GPC5: variants seen among roughly 807,000 people sequenced by gnomAD.
GPC5 encodes the protein glypican-5.
GPC5 carries 47 observed loss-of-function variants against 53.9 expected under a neutral mutation model. The ratio of observed to expected loss-of-function variants is 0.87; its 90% CI spans 0.69 to 1.11. GPC5 has a LOEUF of 1.11. Among genes scored for constraint, GPC5 ranks in the 50% most tolerant of loss-of-function variants. GPC5 has a pLI of 0.00. For synonymous variants in GPC5, 286 were observed against 263.3 expected, an observed-to-expected ratio of 1.09 and a Z score of -0.84; for missense variants, 748 against 713.1, an observed-to-expected ratio of 1.05 and a Z score of -0.56.
At chr13:92,490,809 A>T (rs1879732508) in intron 7 of GPC5, among the ~76,000 whole-genome samples, 1 of 152,116 alleles carries the variant, frequency 6.6e-6, no homozygotes, top group African/African-American at 2.4e-5. Context: ...CTGAAAAGAT[A>T]TATTGGGTTG....
intron 7 of GPC5, among the ~76,000 whole-genome samples, chr13:92,774,009 A>T (rs916351219): frequency 6.6e-6 from 1 of 152,176 alleles, no homozygotes; most frequent in African/African-American, 2.4e-5. Flanking sequence ...ATCTCATGAG[A>T]CTTATTCACT....
chr13:92,466,712 C>T (rs1228920705), intron 7 of GPC5, among the ~76,000 whole-genome samples: 1 of 151,970 alleles, frequency 6.6e-6, no homozygotes, highest in African/African-American at 2.4e-5. Flanking sequence ...TTTTATGTTG[C>T]ACTTGGTAAA....
intron 7 of GPC5, among the ~76,000 whole-genome samples, chr13:92,549,305 T>A (rs1882229955): frequency 1.3e-5 from 2 of 152,160 alleles, no homozygotes; most frequent in South Asian, 4.1e-4. Context: ...TATTTAGTCA[T>A]GCTAACAGAG....
At chr13:91,871,694 A>C (rs2039146359) in intron 5 of GPC5, among the ~76,000 whole-genome samples, 1 of 150,556 alleles carries the variant, frequency 6.6e-6, no homozygotes, top group African/African-American at 2.5e-5. Context: ...CTTCAAATTA[A>C]GTTTTTTTTT....
At chr13:91,877,597 C>T (rs2039218160) in intron 5 of GPC5, among the ~76,000 whole-genome samples, 1 of 152,272 alleles carries the variant, frequency 6.6e-6, no homozygotes, top group South Asian at 2.1e-4. Flanking sequence ...TCCACTGTAT[C>T]TAGGAAGTAA....
intron 7 of GPC5, among the ~76,000 whole-genome samples, chr13:92,327,363 A>T (rs545023956): frequency 6.6e-6 from 1 of 152,310 alleles, no homozygotes; most frequent in Admixed American, 6.5e-5. Flanking sequence ...TGTATTACAC[A>T]TGCTTGTGTT....
Position 92,760,616 on chromosome 13 carries a change from T to C in GPC5, c.1562-105666T>C, listed in dbSNP as rs573473713. On this transcript the variant is annotated intron_variant, in intron 7 of 7. Coordinates refer to ENST00000377067, the MANE Select transcript of GPC5 (RefSeq NM_004466.6). The stretch of plus-strand genomic sequence containing the variant: ...TTTTTTTCAAAAACCATCTGTTCTA[T>C]TGATTTTTTTCCTATGATTTTTCTT... Among the ~76,000 whole-genome samples the C allele has an allele frequency of 3.9e-5, 6 of 152,150 alleles. No individual in the cohort carries two copies. In the South Asian group the frequency reaches 8.3e-4, roughly 21 times the overall value.
At chr13:92,407,581 G>T (rs768543490) in intron 7 of GPC5, among the ~76,000 whole-genome samples, 1 of 152,026 alleles carries the variant, frequency 6.6e-6, no homozygotes, top group African/African-American at 2.4e-5. Flanking sequence ...TCACAATAAC[G>T]CTTTTTCTCT....
intron 7 of GPC5, among the ~76,000 whole-genome samples, chr13:92,263,645 A>C (rs566550798): frequency 6.6e-6 from 1 of 152,298 alleles, no homozygotes; most frequent in South Asian, 2.1e-4. Flanking sequence ...TAGCTGTGTT[A>C]TACTGACAAA....
chr13:91,757,555 G>C (rs542907385), intron 5 of GPC5, among the ~76,000 whole-genome samples: 1 of 152,090 alleles, frequency 6.6e-6, no homozygotes, highest in Non-Finnish European at 1.5e-5. Flanking sequence ...ATTCTCCCGA[G>C]ATCTGATGGT....
chr13:91,958,217 A>G (rs1398516068), intron 6 of GPC5, among the ~76,000 whole-genome samples: 2 of 151,886 alleles, frequency 1.3e-5, no homozygotes, highest in Non-Finnish European at 2.9e-5. Flanking sequence ...AGACCAAAAA[A>G]CTAGCAGAGG....
chr13:91,580,434 T>C (rs17420035), intron 2 of GPC5, among the ~76,000 whole-genome samples: 25,988 of 152,218 alleles, frequency 0.17, 2,381 homozygotes, highest in South Asian at 0.35. Context: ...TAATAATAGT[T>C]GCTTTTTCTT....
Position 91,837,066 on chromosome 13 carries a change from T to G in GPC5, c.1281-70871T>G, listed in dbSNP as rs146143236. On this transcript the variant is annotated intron_variant, in intron 5 of 7. Coordinates refer to ENST00000377067, the MANE Select transcript of GPC5 (RefSeq NM_004466.6). The stretch of plus-strand genomic sequence containing the variant: ...ATTTTAATATATATTTATATTTATT[T>G]ATTGATTTGAATTTATATTTAAATA... 8.1e-3 allele frequency among the ~76,000 whole-genome samples: 1,220 copies of G among 149,948 alleles called. 15 individuals are homozygous for G. The highest frequency in any genetic ancestry group is 0.028 in the African/African-American group (1,153 of 41,224).
chr13:92,208,029 C>A (rs548705819), intron 7 of GPC5, among the ~76,000 whole-genome samples: 28 of 152,280 alleles, frequency 1.8e-4, no homozygotes, highest in African/African-American at 6.5e-4. Flanking sequence ...TAGCAGACAG[C>A]AGTTTGTATT....
chr13:92,821,756 T>C (rs1008633026), intron 7 of GPC5, among the ~76,000 whole-genome samples: 4 of 152,162 alleles, frequency 2.6e-5, no homozygotes, highest in Non-Finnish European at 1.5e-5. Flanking sequence ...GAGTTCTATA[T>C]ATCAGTTAAC....
intron 7 of GPC5, among the ~76,000 whole-genome samples, chr13:92,205,245 G>A (rs1249893306): frequency 1.3e-5 from 2 of 152,100 alleles, no homozygotes; most frequent in Non-Finnish European, 2.9e-5. Context: ...TTATTGCCCA[G>A]GCTGAAGTGC....
chr13:92,702,978 AG>A (rs1451728577), intron 7 of GPC5, among the ~76,000 whole-genome samples: 1 of 151,976 alleles, frequency 6.6e-6, no homozygotes, highest in East Asian at 1.9e-4. Context: ...AATTGTTCAG[AG>A]AGACCTACCT....
In GPC5 at chr13:92,213,673, G is replaced by A. The variant is rs138342681; in HGVS notation, c.1561+68684G>A. ...ATTCCAAAATCACAACAAAAATGTT[G>A]TGTTGGTTCTCCTAGTAACAATAAT... On this transcript the variant is annotated intron_variant, in intron 7 of 7. Transcript: ENST00000377067. 2.9e-3 allele frequency among the ~76,000 whole-genome samples: 445 copies of A among 152,246 alleles called. 2 individuals carry two copies. Among genetic ancestry groups the A allele is most frequent in the Non-Finnish European group, 4.8e-3 (324 of 68,000 alleles).
At chr13:91,429,608 T>C (rs896301784) in intron 1 of GPC5, among the ~76,000 whole-genome samples, 9 of 152,130 alleles carry the variant, frequency 5.9e-5, no homozygotes, top group Admixed American at 5.2e-4. Context: ...GGGCGAGAAA[T>C]AGTATAAAGT....
Sources: gnomAD v4.1 joint callset for allele counts (sites outside exome capture counted in the v4.1 genomes callset) on GRCh38, gnomAD v4.1.1 for gene constraint, MANE v1.5 for transcripts, NCBI Gene and HGNC (gene_info 2026-07-23, HGNC 2026-07-21) for gene names.